The following XRCC4 variants were observed in gnomAD, a reference collection of about 807,000 sequenced individuals.
XRCC4 encodes DNA repair protein XRCC4.
In XRCC4, 28 loss-of-function variants were observed where a neutral mutation model predicts 39.1. That is an observed-to-expected ratio of 0.72 (90% confidence interval 0.53 to 0.98). XRCC4 has a LOEUF of 0.98. Ranked by LOEUF, XRCC4 falls within the 50% of genes least tolerant of loss-of-function variation. The pLI is 0.00. For synonymous variants in XRCC4, 123 were observed against 126.4 expected, an observed-to-expected ratio of 0.97 and a Z score of 0.18; for missense variants, 350 against 376.4, an observed-to-expected ratio of 0.93 and a Z score of 0.58.
chr5:83,112,929 C>A (rs1319263387), intron 3 of XRCC4, among the ~76,000 whole-genome samples: 1 of 152,122 alleles, frequency 6.6e-6, no homozygotes, highest in Non-Finnish European at 1.5e-5. Flanking sequence ...CAAACCATAT[C>A]ATTCCGCCCA....
rs565109668 is a variant in XRCC4 at position 83,212,355 on chromosome 5, T to C, written c.745+7434T>C. Among the ~76,000 whole-genome samples the C allele has an allele frequency of 9.9e-5, 15 of 151,800 alleles. No homozygotes were observed. The South Asian group carries it at 3.1e-3, about 32-fold the overall frequency. The stretch of plus-strand genomic sequence containing the variant: ...GCAGTTGAACAACAGATTCAAATTG[T>C]CAGAATAAAAAAAAATCAGTGAACC... On this transcript the variant is annotated intron_variant, in intron 6 of 7. Coordinates refer to ENST00000396027, the MANE Select transcript of XRCC4 (RefSeq NM_003401.5).
At chr5:83,300,411 G>A (rs530309248) in intron 7 of XRCC4, among the ~76,000 whole-genome samples, 15 of 151,862 alleles carry the variant, frequency 9.9e-5, no homozygotes, top group Non-Finnish European at 1.5e-4. Flanking sequence ...TTATATAATT[G>A]GATGCAAGCA....
chr5:83,361,597 C>T, the XRCC4 span, among the ~76,000 whole-genome samples: 1 of 151,782 alleles, frequency 6.6e-6, no homozygotes. Context: ...TTGATTTTTA[C>T]CATAACTCTA....
intron 7 of XRCC4, among the ~76,000 whole-genome samples, chr5:83,329,933 A>G (rs185627365): frequency 2.0e-5 from 3 of 152,212 alleles, no homozygotes; most frequent in South Asian, 2.1e-4. Context: ...GATGGCAGCA[A>G]TGTATCGATG....
chr5:83,193,898 T>A (rs1035048132), intron 3 of XRCC4, among the ~76,000 whole-genome samples: 1 of 152,144 alleles, frequency 6.6e-6, no homozygotes, highest in African/African-American at 2.4e-5. Context: ...ACAATAATAT[T>A]CTGTAGGTGA....
chr5:83,094,397 TCTC>T lies in XRCC4; in HGVS notation c.-10-10509_-10-10507del, dbSNP rs1453925225. Among the ~76,000 whole-genome samples the T allele has an allele frequency of 9.3e-5, 12 of 128,814 alleles. No individual in the cohort carries two copies. In the Middle Eastern group the frequency reaches 0.011, roughly 123 times the overall value. 84.5% of individuals were successfully genotyped at this position (128,814 alleles called of 152,430 possible). On this transcript the variant is annotated intron_variant, in intron 1 of 7. Transcript: ENST00000396027. ...CCTCTCTTCCCCTCCTCTCCCCTCT[TCTC>T]CTCTCCCCTCTCCTCCCCTCTTCTT...
intron 1 of XRCC4, among the ~76,000 whole-genome samples, chr5:83,104,118 A>G (rs1746082615): frequency 6.6e-6 from 1 of 152,192 alleles, no homozygotes; most frequent in Non-Finnish European, 1.5e-5. Context: ...AATCTGATGC[A>G]ACTTATCTCT....
chr5:83,337,887 AC>A (rs1171521392), intron 7 of XRCC4, among the ~76,000 whole-genome samples: 1 of 152,178 alleles, frequency 6.6e-6, no homozygotes, highest in Admixed American at 6.5e-5. Flanking sequence ...TGACATATCA[AC>A]TTGGCAAGAT....
intron 7 of XRCC4, among the ~76,000 whole-genome samples, chr5:83,307,032 G>A (rs992702100): frequency 6.6e-6 from 1 of 152,150 alleles, no homozygotes; most frequent in Non-Finnish European, 1.5e-5. Context: ...CTACGCCAGA[G>A]TAAGCACACA....
At chr5:83,138,860 T>G (rs553341383) in intron 3 of XRCC4, among the ~76,000 whole-genome samples, 8 of 152,214 alleles carry the variant, frequency 5.3e-5, no homozygotes, top group African/African-American at 1.9e-4. Context: ...TTCTGGCTTG[T>G]TATAGTTCTT....
At chr5:83,109,423 A>G (rs763331846) in intron 2 of XRCC4, among the ~76,000 whole-genome samples, 7 of 151,926 alleles carry the variant, frequency 4.6e-5, no homozygotes, top group African/African-American at 9.7e-5. Context: ...AATGAAAATA[A>G]TATCTGTTTT....
chr5:83,150,581 T>C (rs1748657011), intron 3 of XRCC4, among the ~76,000 whole-genome samples: 1 of 152,148 alleles, frequency 6.6e-6, no homozygotes, highest in African/African-American at 2.4e-5. Context: ...AATGAAGATC[T>C]CTCTAGGTGT....
chr5:83,120,898 C>T (rs1301516708), intron 3 of XRCC4, among the ~76,000 whole-genome samples: 2 of 152,160 alleles, frequency 1.3e-5, no homozygotes, highest in Non-Finnish European at 2.9e-5. Flanking sequence ...GATAAATCCT[C>T]AACCTGCCCA....
intron 4 of XRCC4, among the ~76,000 whole-genome samples, chr5:83,198,114 T>C (rs1751028631): frequency 6.6e-6 from 1 of 152,114 alleles, no homozygotes; most frequent in Non-Finnish European, 1.5e-5. Flanking sequence ...CATGAGCATA[T>C]GGAGTTAGGT....
chr5:83,119,998 C>CAA (rs367806953), intron 3 of XRCC4, among the ~76,000 whole-genome samples: 1,331 of 61,928 alleles, frequency 0.021, 42 homozygotes, highest in African/African-American at 0.081. Context: ...CCTTGTCTCA[C>CAA]AAAAAAAAAA....
At chr5:83,327,986 A>C (rs1756319048) in intron 7 of XRCC4, among the ~76,000 whole-genome samples, 1 of 152,124 alleles carries the variant, frequency 6.6e-6, no homozygotes, top group Admixed American at 6.6e-5. Context: ...TATTTCTATT[A>C]GTCCGTTTTC....
At chr5:83,175,720 T>C (rs1749924339) in intron 3 of XRCC4, among the ~76,000 whole-genome samples, 1 of 152,180 alleles carries the variant, frequency 6.6e-6, no homozygotes, top group Non-Finnish European at 1.5e-5. Context: ...TCGATTCTCC[T>C]GCCTTATCCT....
intron 6 of XRCC4, among the ~76,000 whole-genome samples, chr5:83,248,929 T>G (rs1289411726): frequency 6.6e-6 from 1 of 152,120 alleles, no homozygotes; most frequent in Admixed American, 6.5e-5. Context: ...GAAATGAAAA[T>G]TCTTAAGTAA....
At chr5:83,105,179 C>G in intron 2 of XRCC4, 121 bp downstream of exon 2, 1 of 898,988 alleles carries the variant, frequency 1.1e-6, no homozygotes, top group Admixed American at 3.2e-5. Flanking sequence ...CTATTGCTGT[C>G]AAATTTATAC....
Sources: gnomAD v4.1 joint callset for allele counts (sites outside exome capture counted in the v4.1 genomes callset) on GRCh38, gnomAD v4.1.1 for gene constraint, MANE v1.5 for transcripts, NCBI Gene and HGNC (gene_info 2026-07-23, HGNC 2026-07-21) for gene names.